The following PRKCH variants were observed in gnomAD, a reference collection of about 807,000 sequenced individuals.
PRKCH encodes the protein protein kinase C eta, also known as protein kinase C eta type.
Under a neutral mutation model 82.5 loss-of-function variants are expected in PRKCH, and 28 were observed. The ratio of observed to expected loss-of-function variants is 0.34; its 90% confidence interval spans 0.25 to 0.47. The LOEUF (loss-of-function observed/expected upper bound fraction) is 0.47, where lower values mean the gene tolerates loss of function less well. PRKCH is among the 20% of genes least tolerant of loss of function. The probability of loss-of-function intolerance (pLI) is 1.00; values close to 1 mark genes in which losing one functional copy is unlikely to be tolerated. For missense variants in PRKCH, 705 were observed against 881.8 expected, an observed-to-expected ratio of 0.80 and a Z score of 2.54; for synonymous variants, 322 against 327.4, an observed-to-expected ratio of 0.98 and a Z score of 0.18.
At chr14:61,465,305 G>C (rs77074148) in intron 9 of PRKCH, among the ~76,000 whole-genome samples, 1 of 152,300 alleles carries the variant, frequency 6.6e-6, no homozygotes, top group South Asian at 2.1e-4. Flanking sequence ...GCCTATGCCT[G>C]TGTCACAGAT....
chr14:61,346,565 G>A (rs953621851), intron 1 of PRKCH, among the ~76,000 whole-genome samples: 4 of 152,108 alleles, frequency 2.6e-5, no homozygotes, highest in Admixed American at 1.3e-4. Context: ...TACGTGTCTG[G>A]GGTTATGCAA....
intron 2 of PRKCH, among the ~76,000 whole-genome samples, chr14:61,402,625 T>A (rs1461941987): frequency 6.6e-6 from 1 of 151,808 alleles, no homozygotes; most frequent in Non-Finnish European, 1.5e-5. Context: ...TGAAACCCCG[T>A]CTCTACTAAA....
intron 8 of PRKCH, 25 bp from the exon 9 acceptor site, chr14:61,457,481 G>A: frequency 1.2e-6 from 2 of 1,611,098 alleles, no homozygotes; most frequent in Non-Finnish European, 1.7e-6. Context: ...ACTCCCTCAT[G>A]CTCCCTCCTT....
intron 1 of PRKCH, chr14:61,327,012 T>C (rs932421022): frequency 4.4e-6 from 2 of 455,558 alleles, no homozygotes; most frequent in Non-Finnish European, 8.8e-6. Flanking sequence ...GCTGGGGACA[T>C]GGGGAGGCAG....
chr14:61,537,081 C>T (rs1419156315), intron 12 of PRKCH, among the ~76,000 whole-genome samples: 1 of 152,184 alleles, frequency 6.6e-6, no homozygotes, highest in East Asian at 1.9e-4. Context: ...CCAGTAATCG[C>T]ACATCTAAAA....
At chr14:61,353,756 C>T (rs1250642578) in intron 1 of PRKCH, 2 of 152,116 alleles carry the variant, frequency 1.3e-5, no homozygotes, top group Admixed American at 1.3e-4. Flanking sequence ...CATAGCAAGA[C>T]CCCATCGCTA....
chr14:61,491,705 G>C (rs545336951), intron 10 of PRKCH, among the ~76,000 whole-genome samples: 1 of 152,276 alleles, frequency 6.6e-6, no homozygotes, highest in South Asian at 2.1e-4. Flanking sequence ...TTTTCCCGTA[G>C]TGAAACTCAT....
intron 12 of PRKCH, among the ~76,000 whole-genome samples, chr14:61,540,993 T>C (rs1490446300): frequency 6.6e-6 from 1 of 152,254 alleles, no homozygotes; most frequent in Non-Finnish European, 1.5e-5. Flanking sequence ...CCACCCCCAG[T>C]GGACTGTCAT....
intron 7 of PRKCH, among the ~76,000 whole-genome samples, chr14:61,455,758 G>A (rs1173155456): frequency 1.3e-5 from 2 of 152,206 alleles, no homozygotes; most frequent in African/African-American, 4.8e-5. Context: ...CTGGATGTTA[G>A]ACTTTTGATC....
intron 1 of PRKCH, among the ~76,000 whole-genome samples, chr14:61,360,055 A>G (rs529401447): frequency 6.6e-6 from 1 of 152,380 alleles, no homozygotes; most frequent in Admixed American, 6.5e-5. Context: ...CTCTCATCTT[A>G]TCATTAGAGC....
chr14:61,373,821 G>A (rs1209720280), intron 1 of PRKCH, among the ~76,000 whole-genome samples: 3 of 151,890 alleles, frequency 2.0e-5, no homozygotes, highest in Non-Finnish European at 4.4e-5. Context: ...CAGGCTGGTC[G>A]CAAACTTCTG....
At chr14:61,273,876 T>A (rs2045179630) in intron 1 of PRKCH, among the ~76,000 whole-genome samples, 1 of 152,126 alleles carries the variant, frequency 6.6e-6, no homozygotes, top group African/African-American at 2.4e-5. Context: ...AGTAATGGAG[T>A]CATTGGTTTC....
At position 61,505,391 on chromosome 14, in the gene PRKCH, TTTTC is replaced by T. The variant is rs1440011699; in HGVS notation, c.1433+19739_1433+19742del. 4.2e-4 allele frequency among the ~76,000 whole-genome samples: 46 copies of T among 110,474 alleles called. 1 individual carries two copies. The highest frequency in any genetic ancestry group is 7.4e-4 in the Non-Finnish European group (41 of 55,596). 72.5% of individuals were successfully genotyped at this position (110,474 alleles called of 152,430 possible). A position where few individuals can be genotyped will look rare whatever the true frequency, so the allele number is the denominator to read the frequency against. On this transcript the variant is annotated intron_variant, in intron 10 of 13. Transcript: ENST00000332981. The stretch of plus-strand genomic sequence containing the variant: ...AGGATTTGTCTTTTCTTTTCTTTTC[TTTTC>T]TTTTTTTTTTTTTTTTTTTTTTTTT...
At chr14:61,527,056 G>A (rs1338668891) in intron 10 of PRKCH, among the ~76,000 whole-genome samples, 1 of 152,252 alleles carries the variant, frequency 6.6e-6, no homozygotes. Flanking sequence ...TGGGGTATGG[G>A]TGGCAACAGG....
rs550080731 is a variant in PRKCH at position 61,437,847 on chromosome 14, A to G, written c.428-5264A>G. Among the ~76,000 whole-genome samples, 136 of 152,152 alleles carry G rather than the reference A, an allele frequency of 8.9e-4. 2 individuals are homozygous for G. Among genetic ancestry groups the G allele is most frequent in the Middle Eastern group, 3.4e-3 (1 of 294 alleles). ...TGCAATGGCTCACACCTGTAATCCC[A>G]GCAGTTTGGGAGGCCGAGGCAGGAG... On this transcript the variant is annotated intron_variant, in intron 2 of 13. Coordinates refer to ENST00000332981, the MANE Select transcript of PRKCH (RefSeq NM_006255.5).
intron 1 of PRKCH, among the ~76,000 whole-genome samples, chr14:61,195,846 T>C (rs1234480711): frequency 1.3e-5 from 2 of 152,158 alleles, no homozygotes; most frequent in African/African-American, 4.8e-5. Flanking sequence ...ACACTAATCC[T>C]ATAGGATCAA....
intron 1 of PRKCH, among the ~76,000 whole-genome samples, chr14:61,273,306 C>A (rs1298295819): frequency 6.6e-6 from 1 of 152,170 alleles, no homozygotes; most frequent in Non-Finnish European, 1.5e-5. Flanking sequence ...ATGTTATAAA[C>A]CAAACACCAG....
chr14:61,238,383 G>A (rs905770026), intron 1 of PRKCH, among the ~76,000 whole-genome samples: 1 of 152,136 alleles, frequency 6.6e-6, no homozygotes, highest in Non-Finnish European at 1.5e-5. Flanking sequence ...CTGCCTGAGT[G>A]TTGCTTGAGG....
chr14:61,539,588 G>T (rs907622348), intron 12 of PRKCH, among the ~76,000 whole-genome samples: 6 of 152,186 alleles, frequency 3.9e-5, no homozygotes, highest in African/African-American at 1.4e-4. Flanking sequence ...GGCTCAGGGA[G>T]ATCAGCTTGA....
Sources: allele counts gnomAD v4.1 joint callset (sites outside exome capture counted in the v4.1 genomes callset), GRCh38; gene constraint gnomAD v4.1.1; transcripts MANE v1.5; gene names NCBI Gene and HGNC (gene_info 2026-07-23, HGNC 2026-07-21).